The following TDRD12 variants were observed in gnomAD, a reference collection of about 807,000 sequenced individuals.
TDRD12 encodes the protein tudor domain containing 12, also known as putative ATP-dependent RNA helicase TDRD12.
TDRD12 carries 158 observed loss-of-function variants against 133.5 expected under a neutral mutation model. The observed-to-expected ratio is 1.18, with a 90% CI of 1.04 to 1.35. TDRD12 has a LOEUF of 1.35. Among genes scored for constraint, TDRD12 ranks in the 40% most tolerant of loss-of-function variants. TDRD12 has a pLI of 0.00. For missense variants in TDRD12, 1,443 were observed against 1,321.3 expected (o/e 1.09, Z -1.43); for synonymous variants, 460 against 477.9 (o/e 0.96, Z 0.49).
At chr19:32,826,173 C>T (rs958609908), downstream of TDRD12, 6 of 1,534,886 alleles carry the variant, frequency 3.9e-6, no homozygotes, top group African/African-American at 2.7e-5. Context: ...TACGTCCACT[C>T]GGCATGGAGG....
intron 20 of TDRD12, 63 bp downstream of exon 20, chr19:32,802,852 G>A: frequency 2.6e-6 from 4 of 1,531,304 alleles, no homozygotes; most frequent in Admixed American, 3.9e-5. Flanking sequence ...GATAAGCTCA[G>A]AGTCCACAAG....
intron 8 of TDRD12, among the ~76,000 whole-genome samples, chr19:32,760,200 A>G (rs1391714107): frequency 6.6e-6 from 1 of 152,258 alleles, no homozygotes; most frequent in Non-Finnish European, 1.5e-5. Context: ...CCTGCTTATT[A>G]CAATCAGTAC....
At chr19:32,788,485 C>T (rs1162937894) in intron 11 of TDRD12, among the ~76,000 whole-genome samples, 2 of 152,116 alleles carry the variant, frequency 1.3e-5, no homozygotes, top group Non-Finnish European at 2.9e-5. Context: ...TCTAATATCA[C>T]GTTTTTAATT....
chr19:32,738,840 TC>T lies in TDRD12; in HGVS notation c.184-15del. On this transcript the variant is annotated splice_polypyrimidine_tract_variant and intron_variant, in intron 2 of 27. Coordinates refer to ENST00000444215, the Ensembl canonical transcript of TDRD12. ...AAAAATAAATAAATAAAAATAACTC[TC>T]TGTTTATTTTGCAGGTGTGTGTGGT... 1 of 1,546,766 alleles carries T rather than the reference TC, an allele frequency of 6.5e-7. No individual in the cohort carries two copies. Among genetic ancestry groups the T allele is most frequent in the Non-Finnish European group, 8.7e-7 (1 of 1,145,896 alleles).
chr19:32,800,369 G>T lies in TDRD12; in HGVS notation c.1950+11G>T, dbSNP rs1314406381. 2.1e-6 allele frequency: 3 copies of T among 1,457,376 alleles called. No homozygotes were observed. The highest frequency in any genetic ancestry group is 2.7e-6 in the Non-Finnish European group (3 of 1,102,698). 90.3% of individuals were successfully genotyped at this position (1,457,376 alleles called of 1,614,324 possible). ...GGCAATGTCCAACAGGTAACTTTGT[G>T]TGTATGTGTATGTGTATGTGTGTGT... On this transcript the variant is annotated intron_variant, in intron 17 of 27. Coordinates refer to ENST00000444215, the Ensembl canonical transcript of TDRD12.
intron 1 of TDRD12, among the ~76,000 whole-genome samples, chr19:32,727,873 G>T (rs1363781025): frequency 1.3e-5 from 2 of 152,072 alleles, no homozygotes; most frequent in Admixed American, 6.6e-5. Flanking sequence ...TCACCATGTT[G>T]GCCAGGCTTG....
intron 14 of TDRD12, among the ~76,000 whole-genome samples, chr19:32,797,055 A>T (rs796185452): frequency 4.1e-5 from 6 of 146,636 alleles, no homozygotes; most frequent in African/African-American, 1.5e-4. Context: ...ATCTCGGCTC[A>T]CTGCAACCTC....
At chr19:32,814,391 A>G (rs1840139498) in intron 25 of TDRD12, among the ~76,000 whole-genome samples, 1 of 149,834 alleles carries the variant, frequency 6.7e-6, no homozygotes, top group African/African-American at 2.6e-5. Context: ...TACTTACCAG[A>G]TTTAACAGAG....
intron 8 of TDRD12, among the ~76,000 whole-genome samples, chr19:32,759,549 G>C (rs888991216): frequency 2.6e-5 from 4 of 152,078 alleles, no homozygotes; most frequent in African/African-American, 9.7e-5. Flanking sequence ...AACCCAGGAG[G>C]CAGAGGTTTC....
At chr19:32,829,112 T>C (rs1967677697) in exon 10 of TDRD12, 2 of 152,326 alleles carry the variant, frequency 1.3e-5, no homozygotes, top group African/African-American at 4.8e-5. Context: ...TGTCTGTTTC[T>C]CTGCATGTGG....
intron 18 of TDRD12, among the ~76,000 whole-genome samples, chr19:32,801,074 C>T (rs1454169376): frequency 6.6e-6 from 1 of 151,810 alleles, no homozygotes; most frequent in African/African-American, 2.4e-5. Flanking sequence ...ATCTTCTGTA[C>T]CCTCTGTTTA....
chr19:32,751,515 T>C (rs1969826360), intron 6 of TDRD12, among the ~76,000 whole-genome samples: 1 of 152,036 alleles, frequency 6.6e-6, no homozygotes, highest in Admixed American at 6.6e-5. Context: ...GTATACCTGT[T>C]TCATCTTTCC....
exon 16 of TDRD12, chr19:32,798,332 A>G (rs1196682073): frequency 6.5e-7 from 1 of 1,535,558 alleles, no homozygotes; most frequent in Non-Finnish European, 8.7e-7. Flanking sequence ...ACGACCCCAT[A>G]CAGCCTGCTG....
At chr19:32,726,467 A>G (rs1370482119) in intron 1 of TDRD12, among the ~76,000 whole-genome samples, 1 of 152,160 alleles carries the variant, frequency 6.6e-6, no homozygotes, top group East Asian at 1.9e-4. Flanking sequence ...TGCTTTCTCT[A>G]TGAATTTGAC....
rs1599629774 is a variant in TDRD12, at chr19:32,819,458, T to G, written c.3383+1301T>G. Among the ~76,000 whole-genome samples, 5 of 152,302 alleles carry G rather than the reference T, an allele frequency of 3.3e-5. No individual in the cohort carries two copies. In the South Asian group the frequency reaches 1.0e-3, roughly 32 times the overall value. The stretch of plus-strand genomic sequence containing the variant: ...AGAAAAAAAAAATTTCCCATACTTT[T>G]AAGATACTTTTTTAGAAATGAAGAT... On this transcript the variant is annotated intron_variant, in intron 27 of 27. Coordinates refer to ENST00000444215, the Ensembl canonical transcript of TDRD12.
chr19:32,818,009 C>T (rs1472243722), intron 26 of TDRD12, 80 bp from the exon 27 acceptor site: 3 of 700,194 alleles, frequency 4.3e-6, no homozygotes, highest in Admixed American at 2.0e-5. Context: ...GCACTCCAAG[C>T]TCTGTCCTCT....
At chr19:32,803,011 C>G in exon 21 of TDRD12, 1 of 1,536,088 alleles carries the variant, frequency 6.5e-7, no homozygotes, top group Non-Finnish European at 8.7e-7. Flanking sequence ...GCGTCCTGCG[C>G]TACTTGGAGC....
At chr19:32,772,431 A>G (rs1970467327) in intron 8 of TDRD12, among the ~76,000 whole-genome samples, 1 of 152,356 alleles carries the variant, frequency 6.6e-6, no homozygotes, top group East Asian at 1.9e-4. Context: ...TCGCATTGTA[A>G]GAAGAGCCTG....
intron 21 of TDRD12, among the ~76,000 whole-genome samples, chr19:32,804,530 A>T (rs1198840436): frequency 6.6e-6 from 1 of 151,078 alleles, no homozygotes; most frequent in Non-Finnish European, 1.5e-5. Context: ...CGTCTCTACT[A>T]AAAAATACAA....
Sources: gnomAD v4.1 joint callset for allele counts (sites outside exome capture counted in the v4.1 genomes callset) on GRCh38, gnomAD v4.1.1 for gene constraint, MANE v1.5 for transcripts, NCBI Gene and HGNC (gene_info 2026-07-23, HGNC 2026-07-21) for gene names.